SCN3B: variants seen among roughly 807,000 people sequenced by gnomAD.
SCN3B encodes the protein sodium voltage-gated channel beta subunit 3, also known as sodium channel regulatory subunit beta-3.
Under a neutral mutation model 25.4 loss-of-function variants are expected in SCN3B, and 11 were observed. The ratio of observed to expected loss-of-function variants is 0.43; its 90% confidence interval spans 0.27 to 0.72. The LOEUF (loss-of-function observed/expected upper bound fraction) is 0.72, where lower values mean the gene tolerates loss of function less well. Ranked by LOEUF, SCN3B falls within the 30% of genes least tolerant of loss-of-function variation. The probability of loss-of-function intolerance (pLI) is 0.18; values close to 1 mark genes in which losing one functional copy is unlikely to be tolerated. For synonymous variants in SCN3B, 109 were observed against 110.7 expected, an observed-to-expected ratio of 0.99 and a Z score of 0.09; for missense variants, 218 against 278.3, an observed-to-expected ratio of 0.78 and a Z score of 1.54.
At position 123,638,174 on chromosome 11, in the gene SCN3B, C is replaced by T. The variant is rs1057520882; in HGVS notation, c.584+12G>A. On this transcript the variant is annotated intron_variant, in intron 5 of 6. Transcript: ENST00000299333. The stretch of plus-strand genomic sequence containing the variant: ...CTAGCTTTCATTATTACTTTGGCAT[C>T]TCTGGACTTACGCGTTTTCTTGGGC... 6.2e-7 allele frequency: 1 copy of T among 1,614,040 alleles called. No homozygotes were observed. Among genetic ancestry groups the T allele is most frequent in the East Asian group, 2.2e-5 (1 of 44,884 alleles).
intron 2 of SCN3B, among the ~76,000 whole-genome samples, chr11:123,649,834 G>C (rs1955903261): frequency 1.3e-5 from 2 of 152,018 alleles, no homozygotes; most frequent in Non-Finnish European, 1.5e-5. Flanking sequence ...CCCCTGAGTA[G>C]CTGGGATTAC....
chr11:123,636,716 T>C (rs1289952181), intron 5 of SCN3B, among the ~76,000 whole-genome samples: 3 of 150,202 alleles, frequency 2.0e-5, no homozygotes, highest in East Asian at 3.9e-4. Flanking sequence ...TTTTTTGAGA[T>C]GGAGTCTCGC....
chr11:123,648,629 G>A (rs1426889357), intron 2 of SCN3B, among the ~76,000 whole-genome samples: 2 of 152,132 alleles, frequency 1.3e-5, no homozygotes, highest in East Asian at 3.9e-4. Context: ...GTGTGCACAG[G>A]GTCATTGGAG....
chr11:123,636,634 G>A (rs1348039818), intron 5 of SCN3B, among the ~76,000 whole-genome samples: 2 of 151,954 alleles, frequency 1.3e-5, no homozygotes, highest in Non-Finnish European at 2.9e-5. Flanking sequence ...AATCTGAAGA[G>A]TCATCCCTCC....
At chr11:123,638,058 G>T in intron 5 of SCN3B, 128 bp downstream of exon 5, 1 of 1,121,308 alleles carries the variant, frequency 8.9e-7, no homozygotes, top group Non-Finnish European at 1.3e-6. Flanking sequence ...TAATAATGGT[G>T]CCTATCTCTT....
intron 5 of SCN3B, among the ~76,000 whole-genome samples, chr11:123,636,282 G>T (rs984127666): frequency 6.6e-6 from 1 of 152,146 alleles, no homozygotes; most frequent in Admixed American, 6.5e-5. Context: ...CAATTTTGTG[G>T]AATATTCTTC....
rs886047904 is a variant in SCN3B at position 123,654,261 on chromosome 11, GA to G, written c.-62del. 65 of 193,344 alleles carry G rather than the reference GA, an allele frequency of 3.4e-4. No individual in the cohort carries two copies. Among genetic ancestry groups the G allele is most frequent in the Non-Finnish European group, 6.3e-4 (58 of 91,844 alleles). The allele number at this position is 193,344 out of a possible 1,614,324, so 12.0% of individuals were successfully genotyped here. ...CCCAGGATCGGTTGCGTTCCGACTG[GA>G]ATCCTCCCAGCCCCGCGGCTCCTGC... On this transcript the variant is annotated 5_prime_UTR_variant, in exon 1 of 7. Transcript: ENST00000299333.
intron 2 of SCN3B, among the ~76,000 whole-genome samples, chr11:123,650,103 C>A (rs1018703251): frequency 3.9e-5 from 6 of 152,148 alleles, no homozygotes; most frequent in African/African-American, 1.4e-4. Context: ...GTAACAAACT[C>A]TTGGAATAAT....
Sources: gnomAD v4.1 joint callset for allele counts (sites outside exome capture counted in the v4.1 genomes callset) on GRCh38, gnomAD v4.1.1 for gene constraint, MANE v1.5 for transcripts, NCBI Gene and HGNC (gene_info 2026-07-23, HGNC 2026-07-21) for gene names.